STXBP6: variants seen among roughly 807,000 people sequenced by gnomAD.
STXBP6 encodes syntaxin-binding protein 6.
A neutral mutation model predicts 26.9 loss-of-function variants in STXBP6; 21 were observed. The ratio of observed to expected loss-of-function variants is 0.78; its 90% CI spans 0.55 to 1.12. The LOEUF (loss-of-function observed/expected upper bound fraction) is 1.12. STXBP6 is among the 50% of genes most tolerant of loss of function. The pLI, the probability that STXBP6 is intolerant of heterozygous loss-of-function variation, is 0.00. For missense variants in STXBP6, 232 were observed against 257.9 expected (o/e 0.90, Z 0.69); for synonymous variants, 97 against 92.6 (o/e 1.05, Z -0.27).
At chr14:24,840,260 G>A (rs911244703) in intron 4 of STXBP6, among the ~76,000 whole-genome samples, 2 of 152,190 alleles carry the variant, frequency 1.3e-5, no homozygotes, top group African/African-American at 4.8e-5. Flanking sequence ...GTACTGAGGA[G>A]GGAAGAGGAC....
chr14:25,046,367 AG>A (rs1316501155), intron 1 of STXBP6, among the ~76,000 whole-genome samples: 1 of 152,264 alleles, frequency 6.6e-6, no homozygotes, highest in African/African-American at 2.4e-5. Context: ...GACTGCTGTC[AG>A]GAAGACAGGT....
At chr14:25,016,338 A>C (rs1383460057) in intron 1 of STXBP6, among the ~76,000 whole-genome samples, 1 of 152,180 alleles carries the variant, frequency 6.6e-6, no homozygotes, top group Non-Finnish European at 1.5e-5. Context: ...AAAAAAAATT[A>C]AAATGGAGTT....
At chr14:24,935,211 A>T (rs1398253972) in intron 2 of STXBP6, among the ~76,000 whole-genome samples, 3 of 152,210 alleles carry the variant, frequency 2.0e-5, no homozygotes, top group African/African-American at 7.2e-5. Context: ...AGCTTCTCAT[A>T]ACAATAAGCC....
intron 2 of STXBP6, among the ~76,000 whole-genome samples, chr14:24,970,601 T>A (rs1016097667): frequency 5.3e-5 from 8 of 152,242 alleles, no homozygotes; most frequent in Non-Finnish European, 1.0e-4. Context: ...TGCAAAAATG[T>A]AAAATAATTT....
chr14:24,969,170 C>T (rs941271508), intron 2 of STXBP6, among the ~76,000 whole-genome samples: 1 of 152,198 alleles, frequency 6.6e-6, no homozygotes, highest in Non-Finnish European at 1.5e-5. Flanking sequence ...ATTTTGCTCT[C>T]CCTACAAATC....
chr14:25,044,132 C>T (rs2075686932), intron 1 of STXBP6, among the ~76,000 whole-genome samples: 1 of 135,808 alleles, frequency 7.4e-6, no homozygotes, highest in Non-Finnish European at 1.5e-5. Flanking sequence ...AATTGTGCCA[C>T]TGCACTTCAG....
chr14:24,939,334 C>T (rs553739035), intron 2 of STXBP6, among the ~76,000 whole-genome samples: 1 of 152,130 alleles, frequency 6.6e-6, no homozygotes, highest in Non-Finnish European at 1.5e-5. Context: ...TGACTCCAAC[C>T]CTATATCTGT....
intron 1 of STXBP6, among the ~76,000 whole-genome samples, chr14:25,011,204 T>C (rs532117195): frequency 6.6e-6 from 1 of 152,208 alleles, no homozygotes; most frequent in East Asian, 1.9e-4. Context: ...ACATAGTCTT[T>C]GTTTCACTCC....
chr14:24,902,506 C>T lies in STXBP6; in HGVS notation c.155-45349G>A, dbSNP rs988027149. The stretch of plus-strand genomic sequence containing the variant: ...ATTATTTTGCCTACCATAGATGCTT[C>T]GTTAAGTAACCTAAGAATGAGGACC... On this transcript the variant is annotated intron_variant, in intron 2 of 5. Transcript: ENST00000323944. Among the ~76,000 whole-genome samples the T allele has an allele frequency of 7.9e-5, 12 of 152,138 alleles. No individual in the cohort carries two copies. The East Asian group carries it at 9.6e-4, about 12-fold the overall frequency.
chr14:24,896,413 GA>G (rs2070993919), intron 2 of STXBP6, among the ~76,000 whole-genome samples: 1 of 152,148 alleles, frequency 6.6e-6, no homozygotes, highest in South Asian at 2.1e-4. Flanking sequence ...CCTATTCAAG[GA>G]GGGTTTAAAC....
chr14:24,904,762 CCTG>C (rs2071330814), intron 2 of STXBP6, among the ~76,000 whole-genome samples: 1 of 152,110 alleles, frequency 6.6e-6, no homozygotes, highest in Non-Finnish European at 1.5e-5. Context: ...CCACCAGCAC[CCTG>C]ACCTTGGACT....
chr14:24,835,615 T>A (rs1447604240), intron 4 of STXBP6, among the ~76,000 whole-genome samples: 1 of 152,190 alleles, frequency 6.6e-6, no homozygotes, highest in Non-Finnish European at 1.5e-5. Context: ...TAAAATGGAA[T>A]ATTATTTTTT....
intron 1 of STXBP6, among the ~76,000 whole-genome samples, chr14:25,021,802 G>A (rs1163737616): frequency 6.6e-6 from 1 of 152,058 alleles, no homozygotes; most frequent in Non-Finnish European, 1.5e-5. Context: ...CTATACAAGG[G>A]GTCAAAGGCC....
intron 2 of STXBP6, among the ~76,000 whole-genome samples, chr14:24,947,005 T>G (rs1295776510): frequency 6.6e-6 from 1 of 152,114 alleles, no homozygotes; most frequent in African/African-American, 2.4e-5. Flanking sequence ...CATGAGTTAC[T>G]AAAAAATTGC....
chr14:24,867,206 T>C (rs965372305), intron 2 of STXBP6, among the ~76,000 whole-genome samples: 1 of 152,130 alleles, frequency 6.6e-6, no homozygotes, highest in African/African-American at 2.4e-5. Flanking sequence ...TTTTGCCATA[T>C]GAGGACACAG....
chr14:24,876,885 A>C (rs867761628), intron 2 of STXBP6, among the ~76,000 whole-genome samples: 2 of 152,358 alleles, frequency 1.3e-5, no homozygotes, highest in South Asian at 2.1e-4. Context: ...TTTAACACAC[A>C]GTTAAGTAGT....
rs2072591936 is a variant in STXBP6 at position 24,936,208 on chromosome 14, G to C, written c.154+38457C>G. Among the ~76,000 whole-genome samples, 4 of 152,228 alleles carry C rather than the reference G, an allele frequency of 2.6e-5. No individual in the cohort carries two copies. The South Asian group carries it at 8.3e-4, about 32-fold the overall frequency. On this transcript the variant is annotated intron_variant, in intron 2 of 5. Coordinates refer to ENST00000323944, the MANE Select transcript of STXBP6 (RefSeq NM_001394410.1). ...GCTCCATTAGTCCCAGACTCTACTT[G>C]AACACTTGCTGTTTGCTTTTCAACA...
intron 2 of STXBP6, among the ~76,000 whole-genome samples, chr14:24,893,015 A>T (rs1241608): frequency 0.33 from 50,751 of 152,072 alleles, 8,714 homozygotes; most frequent in East Asian, 0.44. Context: ...CACTCTCAAC[A>T]GCCAGGCTGC....
chr14:24,855,960 T>C lies in STXBP6; in HGVS notation c.427A>G (p.Asn143Asp). 6.2e-7 allele frequency: 1 copy of C among 1,605,384 alleles called. No homozygotes were observed. The highest frequency in any genetic ancestry group is 1.1e-5 in the South Asian group (1 of 89,246). Reference protein sequence around the residue: ...YLTDRKPEFINCQSKIMGGNS... With the variant: ...YLTDRKPEFIDCQSKIMGGNS... ...CCTCCCATAATTTTGGATTGGCAGT[T>C]AATAAACTCTGGCTTCCTGTCCGTG... The change falls in exon 4 of 6, where the codon AAC (asparagine) becomes GAC (aspartate). Residue 143 changes from asparagine (N) to aspartate (D), a missense_variant. Asn to Asp is a conservative substitution (Grantham distance 23). Coordinates refer to ENST00000323944, the MANE Select transcript of STXBP6 (RefSeq NM_001394410.1).
Sources: allele counts gnomAD v4.1 joint callset (sites outside exome capture counted in the v4.1 genomes callset), GRCh38; gene constraint gnomAD v4.1.1; transcripts MANE v1.5; gene names NCBI Gene and HGNC (gene_info 2026-07-23, HGNC 2026-07-21).